NCKAP5: variants seen among roughly 807,000 people sequenced by gnomAD.
NCKAP5 encodes the protein nck-associated protein 5.
NCKAP5 carries 92 observed loss-of-function variants against 167.0 expected under a neutral mutation model. The observed-to-expected ratio is 0.55, with a 90% confidence interval of 0.47 to 0.66. The LOEUF (loss-of-function observed/expected upper bound fraction) is 0.66, where lower values mean the gene tolerates loss of function less well. NCKAP5 is among the 30% of genes least tolerant of loss of function. NCKAP5 has a pLI of 0.00. For missense variants in NCKAP5, 2,378 were observed against 2,315.0 expected (o/e 1.03, Z -0.56); for synonymous variants, 891 against 877.4 (o/e 1.02, Z -0.27).
intron 8 of NCKAP5, among the ~76,000 whole-genome samples, chr2:132,963,296 A>T (rs1381632720): frequency 6.6e-6 from 1 of 152,106 alleles, no homozygotes; most frequent in Non-Finnish European, 1.5e-5. Flanking sequence ...TAAAGATATG[A>T]CTATACTGCT....
chr2:133,666,692 T>G, the NCKAP5 span, among the ~76,000 whole-genome samples: 1 of 151,340 alleles, frequency 6.6e-6, no homozygotes, highest in East Asian at 1.9e-4. Flanking sequence ...TAGATTAAAA[T>G]ATTCTAAATT....
intron 3 of NCKAP5, among the ~76,000 whole-genome samples, chr2:133,357,780 C>T (rs1049063490): frequency 6.6e-6 from 1 of 152,200 alleles, no homozygotes; most frequent in Non-Finnish European, 1.5e-5. Context: ...GCTTAAAACA[C>T]TTCAGTACTT....
chr2:133,617,406 A>C, the NCKAP5 span, among the ~76,000 whole-genome samples: 1 of 148,884 alleles, frequency 6.7e-6, no homozygotes, highest in Admixed American at 6.7e-5. Context: ...AGAAAACCCC[A>C]TTGTCTCAGC....
intron 3 of NCKAP5, among the ~76,000 whole-genome samples, chr2:133,379,793 T>C (rs1686392020): frequency 6.6e-6 from 1 of 152,144 alleles, no homozygotes; most frequent in Non-Finnish European, 1.5e-5. Flanking sequence ...TGCAGTAAAA[T>C]GCAGCTGTCA....
At chr2:132,964,726 C>T (rs1052568967) in intron 7 of NCKAP5, among the ~76,000 whole-genome samples, 12 of 152,140 alleles carry the variant, frequency 7.9e-5, no homozygotes, top group African/African-American at 2.9e-4. Context: ...TTTAATGTAG[C>T]TGGTTGTCAA....
At chr2:132,699,012 A>G (rs1403338390) in intron 19 of NCKAP5, among the ~76,000 whole-genome samples, 2 of 152,218 alleles carry the variant, frequency 1.3e-5, no homozygotes, top group East Asian at 1.9e-4. Flanking sequence ...ACCACAATAT[A>G]CACAAAGGGC....
intron 3 of NCKAP5, among the ~76,000 whole-genome samples, chr2:133,476,210 ATGG>A (rs1443294941): frequency 6.6e-6 from 1 of 152,224 alleles, no homozygotes; most frequent in Non-Finnish European, 1.5e-5. Context: ...GTTATTGTCA[ATGG>A]TGCCCTTCAA....
intron 9 of NCKAP5, among the ~76,000 whole-genome samples, chr2:132,876,213 T>C (rs1178329841): frequency 1.3e-5 from 2 of 152,068 alleles, no homozygotes; most frequent in Admixed American, 1.3e-4. Flanking sequence ...GCCTCCCAAA[T>C]AGCTGTGTCT....
intron 5 of NCKAP5, among the ~76,000 whole-genome samples, chr2:133,209,112 T>C (rs2086093633): frequency 6.6e-6 from 1 of 151,874 alleles, no homozygotes; most frequent in Non-Finnish European, 1.5e-5. Context: ...ATAATGAGAA[T>C]GAATACCTTC....
chr2:133,583,424 T>C, the NCKAP5 span, among the ~76,000 whole-genome samples: 1 of 152,054 alleles, frequency 6.6e-6, no homozygotes, highest in East Asian at 1.9e-4. Context: ...GTTGCCTTGA[T>C]TGGAAGCTTC....
chr2:132,791,690 G>T (rs1254038635), intron 12 of NCKAP5, among the ~76,000 whole-genome samples: 2 of 152,242 alleles, frequency 1.3e-5, no homozygotes, highest in African/African-American at 4.8e-5. Flanking sequence ...CTTTGTGGGT[G>T]CCTTTCAGTA....
intron 3 of NCKAP5, among the ~76,000 whole-genome samples, chr2:133,497,308 G>A (rs1160679717): frequency 2.0e-5 from 3 of 152,146 alleles, no homozygotes; most frequent in Non-Finnish European, 2.9e-5. Flanking sequence ...TTGAGCTTGG[G>A]CCAAAATGAG....
intron 3 of NCKAP5, among the ~76,000 whole-genome samples, chr2:133,363,218 G>A: frequency 6.6e-6 from 1 of 152,204 alleles, no homozygotes; most frequent in East Asian, 1.9e-4. Context: ...TGGGCTTCAA[G>A]TCAGAAATCT....
In NCKAP5 at chr2:133,007,950, G is replaced by A. The variant is rs867091404; in HGVS notation, c.342-13711C>T. 2.0e-5 allele frequency among the ~76,000 whole-genome samples: 3 copies of A among 152,180 alleles called. No homozygotes were observed. In the South Asian group the frequency reaches 6.2e-4, roughly 32 times the overall value. On this transcript the variant is annotated intron_variant, in intron 6 of 19. Transcript: ENST00000409261. ...TCACATGGCCCAACTCACTGCTAGG[G>A]TAGCTGGTAAACTTAGTCTTCTGAG...
chr2:133,285,666 G>T (rs1679065443), intron 4 of NCKAP5, among the ~76,000 whole-genome samples: 1 of 152,104 alleles, frequency 6.6e-6, no homozygotes. Context: ...TCACCATCAC[G>T]ATACGAGAGC....
the NCKAP5 span, among the ~76,000 whole-genome samples, chr2:133,618,470 C>G: frequency 6.7e-6 from 1 of 149,536 alleles, no homozygotes; most frequent in East Asian, 2.0e-4. Context: ...AAAAAACAAA[C>G]AACCCCATCA....
In NCKAP5 at chr2:133,038,821, A is replaced by T. The variant is rs532665383; in HGVS notation, c.342-44582T>A. On this transcript the variant is annotated intron_variant, in intron 6 of 19. Coordinates refer to ENST00000409261, the MANE Select transcript of NCKAP5 (RefSeq NM_207363.3). ...AAAGGTTAAAAAAAGATCAATAATC[A>T]GGTCTTTTGCCATGTAGGTAATAGT... Among the ~76,000 whole-genome samples, 238 of 152,322 alleles carry T rather than the reference A, an allele frequency of 1.6e-3. 2 individuals carry two copies. The highest frequency in any genetic ancestry group is 2.8e-3 in the Non-Finnish European group (190 of 68,016).
intron 11 of NCKAP5, among the ~76,000 whole-genome samples, chr2:132,860,142 A>G (rs1689779101): frequency 6.6e-6 from 1 of 152,194 alleles, no homozygotes; most frequent in South Asian, 2.1e-4. Flanking sequence ...CACTACATAA[A>G]ATTCTTCCTT....
At chr2:133,032,159 C>T (rs115301860) in intron 6 of NCKAP5, among the ~76,000 whole-genome samples, 2,995 of 152,214 alleles carry the variant, frequency 0.02, 91 homozygotes, top group African/African-American at 0.068. Flanking sequence ...AAGCACCAAG[C>T]AGGCTCTTGG....
Sources: allele counts gnomAD v4.1 joint callset (sites outside exome capture counted in the v4.1 genomes callset), GRCh38; gene constraint gnomAD v4.1.1; transcripts MANE v1.5; gene names NCBI Gene and HGNC (gene_info 2026-07-23, HGNC 2026-07-21).